The following CLPTM1L variants were observed in gnomAD, a reference collection of about 807,000 sequenced individuals.
CLPTM1L encodes lipid scramblase CLPTM1L.
CLPTM1L carries 38 observed loss-of-function variants against 70.9 expected under a neutral mutation model. The observed-to-expected ratio is 0.54, with a 90% confidence interval of 0.41 to 0.70. The LOEUF is 0.70. Ranked by LOEUF, CLPTM1L falls within the 30% of genes least tolerant of loss-of-function variation. The probability of loss-of-function intolerance (pLI) is 0.00; values close to 1 mark genes in which losing one functional copy is unlikely to be tolerated. For synonymous variants in CLPTM1L, 339 were observed against 299.9 expected (o/e 1.13, Z -1.35); for missense variants, 652 against 705.9 (o/e 0.92, Z 0.87).
Position 1,344,763 on chromosome 5 carries a change from T to G in CLPTM1L, c.79A>C (p.Met27Leu). Reference protein sequence around the residue: ...VVYVVHTCWVMYGIVYTRPCS... With the variant: ...VVYVVHTCWVLYGIVYTRPCS... ...GGGCGGGTGTAGACGATGCCGTACA[T>G]GACCCAGCAGGTGTGCACCACGTAG... Residue 27 changes from methionine (M) to leucine (L), a missense_variant, in exon 1 of 17, where the codon ATG (methionine) becomes CTG (leucine). Around this residue, in one of 3 missense-constraint regions of CLPTM1L, gnomAD observed 402 missense variants for 388.2 expected, o/e 1.04. Coordinates refer to ENST00000320895, the MANE Select transcript of CLPTM1L (RefSeq NM_030782.5). The G allele has an allele frequency of 3.1e-6, 5 of 1,605,218 alleles. No individual in the cohort carries two copies. Among genetic ancestry groups the G allele is most frequent in the Non-Finnish European group, 4.2e-6 (5 of 1,176,818 alleles).
At chr5:1,340,345 C>T (rs745926485) in intron 3 of CLPTM1L, among the ~76,000 whole-genome samples, 23 of 152,162 alleles carry the variant, frequency 1.5e-4, no homozygotes, top group Non-Finnish European at 2.8e-4. Flanking sequence ...GGATTACACA[C>T]GGCTCTTACA....
At position 1,342,039 on chromosome 5, in the gene CLPTM1L, T is replaced by TGTGTGTGTGTGTGTGTGTGCGCGCGC. The variant is rs3222913; in HGVS notation, c.264-180_264-179insGCGCGCGCACACACACACACACACAC. ...GTGTGTGTGTGTGTGTGTGTGTGTG[T>TGTGTGTGTGTGTGTGTGTGCGCGCGC]GCACGCGCACGCGTGCGCGTCCTGA... On this transcript the variant is annotated intron_variant, in intron 2 of 16. Coordinates refer to ENST00000320895, the MANE Select transcript of CLPTM1L (RefSeq NM_030782.5). This position sits in a 1 kb window ranked among gnomAD's most constrained non-coding sequence, Gnocchi z 4.3. Among the ~76,000 whole-genome samples, 1 of 148,976 alleles carries TGTGTGTGTGTGTGTGTGTGCGCGCGC rather than the reference T, an allele frequency of 6.7e-6. No individual in the cohort carries two copies. Among genetic ancestry groups the TGTGTGTGTGTGTGTGTGTGCGCGCGC allele is most frequent in the African/African-American group, 2.5e-5 (1 of 39,664 alleles).
Position 1,340,235 on chromosome 5 carries a change from G to T in CLPTM1L, c.454-1230C>A, listed in dbSNP as rs964906951. On this transcript the variant is annotated intron_variant, in intron 3 of 16. Transcript: ENST00000320895. The stretch of plus-strand genomic sequence containing the variant: ...CCCCCTGACCTTGGCAGAAGACTGT[G>T]CAAGTCCAGGGCTCACACAGCCCTG... Among the ~76,000 whole-genome samples the T allele has an allele frequency of 2.6e-5, 4 of 152,234 alleles. No individual in the cohort carries two copies. The South Asian group carries it at 8.3e-4, about 31-fold the overall frequency.
chr5:1,339,882 C>G (rs1753831910), intron 3 of CLPTM1L, among the ~76,000 whole-genome samples: 1 of 146,130 alleles, frequency 6.8e-6, no homozygotes, highest in East Asian at 2.0e-4. Flanking sequence ...GACGGGCAAA[C>G]TGTGCCCGGG....
chr5:1,325,521 G>A (rs759628232), intron 10 of CLPTM1L: 100 of 548,804 alleles, frequency 1.8e-4, no homozygotes, highest in Non-Finnish European at 2.8e-4. Flanking sequence ...CTCAGGCCCA[G>A]AAGTGCTGCC....
rs201917435 is a variant in CLPTM1L, at chr5:1,334,332, T to C, written c.848A>G (p.Asn283Ser). Residue 283 changes from asparagine to serine, a missense_variant, in exon 7 of 17, where the codon AAC becomes AGC. Transcript: ENST00000320895. Reference protein sequence around the residue: ...DEVKGIFVDTNLYFLALTFFV... With the variant: ...DEVKGIFVDTSLYFLALTFFV... ...GAAGGTCAGCGCCAGGAAGTATAAGTTGGTATCTACAAAAATTCCTTTCAC... is the reference window on the plus strand; with the variant it reads ...GAAGGTCAGCGCCAGGAAGTATAAGCTGGTATCTACAAAAATTCCTTTCAC... The C allele has an allele frequency of 4.8e-5, 77 of 1,613,888 alleles. No individual in the cohort carries two copies. In the Admixed American group the frequency reaches 8.0e-4, roughly 17 times the overall value.
intron 5 of CLPTM1L, among the ~76,000 whole-genome samples, chr5:1,336,293 C>A (rs1195203231): frequency 6.6e-6 from 1 of 152,222 alleles, no homozygotes; most frequent in Non-Finnish European, 1.5e-5. Context: ...CCTCTCGAAT[C>A]TGGCCCCAAG....
chr5:1,327,635 T>G (rs542769662), intron 9 of CLPTM1L, among the ~76,000 whole-genome samples: 1 of 149,396 alleles, frequency 6.7e-6, no homozygotes, highest in African/African-American at 2.5e-5. Flanking sequence ...ACAGACACAT[T>G]CCACCCAGCT....
In CLPTM1L at chr5:1,331,881, A is replaced by T; in HGVS notation, c.894T>A (p.Leu298=). Residue 298 remains leucine (L), a splice_region_variant and synonymous_variant, in exon 8 of 17, where the codon CTT becomes CTA. Coordinates refer to ENST00000320895, the MANE Select transcript of CLPTM1L (RefSeq NM_030782.5). ...TTTTAAAGGCCAGGAAATCAAAGAGAAGCTAGAGAGAACACACACGACAGC... is the reference window on the plus strand; with the variant it reads ...TTTTAAAGGCCAGGAAATCAAAGAGTAGCTAGAGAGAACACACACGACAGC... ...ALTFFVAAFH[L]LFDFLAFKND... 1 of 1,613,090 alleles carries T rather than the reference A, an allele frequency of 6.2e-7. No homozygotes were observed. The highest frequency in any genetic ancestry group is 8.5e-7 in the Non-Finnish European group (1 of 1,179,736).
intron 13 of CLPTM1L, among the ~76,000 whole-genome samples, chr5:1,322,472 C>T (rs1215077242): frequency 1.3e-5 from 2 of 152,196 alleles, no homozygotes. Flanking sequence ...AGGAACCAGA[C>T]GTGGATGGTG....
intron 11 of CLPTM1L, 141 bp from the exon 12 acceptor site, chr5:1,324,010 C>A: frequency 4.5e-6 from 3 of 662,598 alleles, no homozygotes. Context: ...CAGGGGGCGG[C>A]GTGAGGGGCA....
At chr5:1,323,905 C>G in intron 11 of CLPTM1L, 36 bp from the exon 12 acceptor site, 1 of 1,493,376 alleles carries the variant, frequency 6.7e-7, no homozygotes, top group Non-Finnish European at 9.3e-7. Context: ...GTTAGAGGCC[C>G]AAACGCCAAG....
At chr5:1,329,453 A>ACTGCTTGGTGGACAGGGCCTCAGGACTCT (rs1561238498) in intron 9 of CLPTM1L, among the ~76,000 whole-genome samples, 2 of 130,428 alleles carry the variant, frequency 1.5e-5, no homozygotes, top group African/African-American at 5.9e-5. Flanking sequence ...AGGACTCACC[A>ACTGCTTGGTGGACAGGGCCTCAGGACTCT]CTGCTTGGTG....
chr5:1,328,843 C>A (rs758090180), intron 9 of CLPTM1L, among the ~76,000 whole-genome samples: 1 of 147,536 alleles, frequency 6.8e-6, no homozygotes, highest in Non-Finnish European at 1.5e-5. Flanking sequence ...AGCTCCTCCT[C>A]TACAGACACA....
At position 1,335,485 on chromosome 5, in the gene CLPTM1L, G is replaced by A. The variant is rs376688539; in HGVS notation, c.679-311C>T. Among the ~76,000 whole-genome samples the A allele has an allele frequency of 2.1e-3, 320 of 152,330 alleles. 2 individuals are homozygous for A. The highest frequency in any genetic ancestry group is 7.1e-3 in the African/African-American group (295 of 41,568). The stretch of plus-strand genomic sequence containing the variant: ...TAAGCCGCACAAGTCCTGGTGCCCC[G>A]GAGGTGGTGCTTGCCACCCAGCTGC... On this transcript the variant is annotated intron_variant, in intron 5 of 16. Coordinates refer to ENST00000320895, the MANE Select transcript of CLPTM1L (RefSeq NM_030782.5).
chr5:1,334,266 A>C (rs760470060), intron 7 of CLPTM1L, 23 bp downstream of exon 7: 26 of 1,598,622 alleles, frequency 1.6e-5, no homozygotes, highest in Non-Finnish European at 2.1e-5. Context: ...TGCCTGCGGC[A>C]AGCCCCCCGG....
chr5:1,324,931 G>C, intron 10 of CLPTM1L, 118 bp from the exon 11 acceptor site: 1 of 881,844 alleles, frequency 1.1e-6, no homozygotes, highest in East Asian at 2.5e-5. Flanking sequence ...TCACTACAGA[G>C]GGCGCTCAGG....
In CLPTM1L at chr5:1,318,456, G is replaced by T; in HGVS notation, c.1533-3C>A. 6.2e-7 allele frequency: 1 copy of T among 1,613,082 alleles called. No individual in the cohort carries two copies. The highest frequency in any genetic ancestry group is 8.5e-7 in the Non-Finnish European group (1 of 1,179,444). On this transcript the variant is annotated splice_region_variant and splice_polypyrimidine_tract_variant and intron_variant, in intron 16 of 16. Coordinates refer to ENST00000320895, the MANE Select transcript of CLPTM1L (RefSeq NM_030782.5). The surrounding 1 kb of genome is among the most constrained non-coding windows in gnomAD (Gnocchi z 8.9). ...TGCGTTTATCCACAGGATAAAGCCT[G>T]CAATGACACAAATGAGCACATCAGC... is the stretch of plus-strand genomic sequence containing the variant.
At position 1,344,712 on chromosome 5, in the gene CLPTM1L, G is replaced by A. The variant is rs199535587; in HGVS notation, c.130C>T (p.Gln44Ter). The change falls in exon 1 of 17, where the codon CAG (glutamine) becomes TAG (stop). Residue 44 changes from glutamine to a stop codon, truncating the protein, a stop_gained. Coordinates refer to ENST00000320895, the MANE Select transcript of CLPTM1L (RefSeq NM_030782.5). LOFTEE classifies it high-confidence loss of function. Reference sequence around the variant, plus strand: ...TTGGGCCGCCGCGCCAGGTAGGGCTGGATGCAGTTGGCGTCGCCGGAGCAC... The same window carrying A: ...TTGGGCCGCCGCGCCAGGTAGGGCTAGATGCAGTTGGCGTCGCCGGAGCAC... ...RPCSGDANCIQPYLARRPKLQ... is the reference protein window; with the variant it reads ...RPCSGDANCI The A allele has an allele frequency of 5.7e-5, 90 of 1,586,538 alleles. No homozygotes were observed. The highest frequency in any genetic ancestry group is 9.4e-6 in the Non-Finnish European group (11 of 1,168,284).
Sources: allele counts gnomAD v4.1 joint callset (sites outside exome capture counted in the v4.1 genomes callset), GRCh38; gene constraint gnomAD v4.1.1; regional missense constraint gnomAD v4.1.1; non-coding constraint Gnocchi (gnomAD v3.1); transcripts MANE v1.5; gene names NCBI Gene and HGNC (gene_info 2026-07-23, HGNC 2026-07-21).